PHTF1: variants seen among roughly 807,000 people sequenced by gnomAD.
PHTF1 encodes the protein protein PHTF1.
PHTF1 carries 88 observed loss-of-function variants against 102.4 expected under a neutral mutation model. The observed-to-expected ratio is 0.86, with a 90% CI of 0.72 to 1.03. PHTF1 has a LOEUF of 1.03. PHTF1 is among the 50% of genes least tolerant of loss of function. PHTF1 has a pLI of 0.00. For synonymous variants in PHTF1, 289 were observed against 305.2 expected, an observed-to-expected ratio of 0.95 and a Z score of 0.55; for missense variants, 814 against 909.5, an observed-to-expected ratio of 0.89 and a Z score of 1.35.
intron 3 of PHTF1, among the ~76,000 whole-genome samples, chr1:113,743,292 G>A (rs1185658704): frequency 6.6e-6 from 1 of 151,210 alleles, no homozygotes. Context: ...CACAGCCAAG[G>A]CCTACATAGG....
chr1:113,704,228 A>G, intron 14 of PHTF1, 61 bp from the exon 15 acceptor site: 1 of 913,980 alleles, frequency 1.1e-6, no homozygotes, highest in South Asian at 1.4e-5. Flanking sequence ...CCGCCCTCAC[A>G]TTATTAACAC....
At chr1:113,740,136 T>C (rs78394484) in intron 3 of PHTF1, among the ~76,000 whole-genome samples, 15,823 of 152,254 alleles carry the variant, frequency 0.1, 1,074 homozygotes, top group East Asian at 0.23. Flanking sequence ...TTCTAGTTTT[T>C]TGAGGAACCA....
intron 6 of PHTF1, 45 bp from the exon 7 acceptor site, chr1:113,724,938 T>G (rs1298862590): frequency 1.4e-6 from 2 of 1,423,688 alleles, no homozygotes; most frequent in Non-Finnish European, 1.9e-6. Flanking sequence ...CAAGACCCTT[T>G]CTATTTCTGC....
chr1:113,729,764 G>A (rs954961604), intron 5 of PHTF1, among the ~76,000 whole-genome samples: 1 of 152,134 alleles, frequency 6.6e-6, no homozygotes, highest in South Asian at 2.1e-4. Context: ...TTGGGTCTTT[G>A]AGCCATATTA....
chr1:113,735,980 C>G (rs942654784), intron 5 of PHTF1, among the ~76,000 whole-genome samples: 1 of 151,988 alleles, frequency 6.6e-6, no homozygotes, highest in Non-Finnish European at 1.5e-5. Context: ...CATCAGGTAG[C>G]GATGTGTAAC....
At chr1:113,736,696 GA>G (rs1328345797) in intron 5 of PHTF1, among the ~76,000 whole-genome samples, 15 of 152,286 alleles carry the variant, frequency 9.8e-5, no homozygotes, top group Middle Eastern at 3.4e-3. Context: ...AGTGAGCTGA[GA>G]TTGCACCACT....
At chr1:113,718,023 G>A (rs1272503383) in intron 7 of PHTF1, among the ~76,000 whole-genome samples, 1 of 152,032 alleles carries the variant, frequency 6.6e-6, no homozygotes, top group Non-Finnish European at 1.5e-5. Flanking sequence ...TAACCCAAAA[G>A]TCCAGCATCC....
At chr1:113,730,253 T>C (rs1654445263) in intron 5 of PHTF1, among the ~76,000 whole-genome samples, 1 of 152,132 alleles carries the variant, frequency 6.6e-6, no homozygotes, top group African/African-American at 2.4e-5. Context: ...AAAAAAGCAT[T>C]GTATTAAAAA....
At chr1:113,757,632 G>C (rs1288113545) in intron 3 of PHTF1, 67 bp downstream of exon 3, 5 of 990,644 alleles carry the variant, frequency 5.0e-6, no homozygotes, top group Non-Finnish European at 8.2e-6. Flanking sequence ...AGTTTACCAG[G>C]TAAGTACAAT....
At chr1:113,756,508 T>C (rs1019689216) in intron 3 of PHTF1, among the ~76,000 whole-genome samples, 1 of 152,228 alleles carries the variant, frequency 6.6e-6, no homozygotes, top group African/African-American at 2.4e-5. Flanking sequence ...ATCAGCACTT[T>C]GCAAGGAAGT....
At chr1:113,752,543 G>A (rs189347590) in intron 3 of PHTF1, among the ~76,000 whole-genome samples, 1 of 151,572 alleles carries the variant, frequency 6.6e-6, no homozygotes, top group Admixed American at 6.6e-5. Flanking sequence ...CTGCAACCAC[G>A]CCTGGCTAAT....
chr1:113,752,975 A>T (rs1658316690), intron 3 of PHTF1, among the ~76,000 whole-genome samples: 2 of 152,184 alleles, frequency 1.3e-5, no homozygotes, highest in South Asian at 4.1e-4. Context: ...TCCCCTAAGA[A>T]CCTAGTTTAT....
At chr1:113,745,948 A>G (rs1331873908) in intron 3 of PHTF1, among the ~76,000 whole-genome samples, 1 of 152,114 alleles carries the variant, frequency 6.6e-6, no homozygotes, top group Non-Finnish European at 1.5e-5. Flanking sequence ...ATCCCCCCAC[A>G]CCAGTCCATG....
rs769952377 is a variant in PHTF1, at chr1:113,712,111, C to G, written c.786G>C (p.Glu262Asp). ...KFSDGEKCRR[E>D]AFRRLGNGVS... Reference sequence around the variant, plus strand: ...CCCCATTACCCAAACGCCTAAAAGCCTCCTACAAAGAGAACAGCAATACCT... The same window carrying G: ...CCCCATTACCCAAACGCCTAAAAGCGTCCTACAAAGAGAACAGCAATACCT... Residue 262 changes from glutamate to aspartate, a missense_variant and splice_region_variant, in exon 9 of 19, where the codon GAG becomes GAC. Coordinates refer to ENST00000369604, the MANE Select transcript of PHTF1 (RefSeq NM_001323043.2). 1 of 1,613,608 alleles carries G rather than the reference C, an allele frequency of 6.2e-7. No individual in the cohort carries two copies. Among genetic ancestry groups the G allele is most frequent in the Non-Finnish European group, 8.5e-7 (1 of 1,179,696 alleles).
Position 113,711,815 on chromosome 1 carries a change from CCTTGTAGTGG to C in PHTF1, c.968_977del (p.Thr323SerfsTer30), listed in dbSNP as rs1251241456. On this transcript the variant is annotated frameshift_variant, in exon 10 of 19. Transcript: ENST00000369604. LOFTEE classifies it high-confidence loss of function. ...CTGAATCCCGCACAATATGACACCACCTTGTAGTGGTTTTCTTTACCTGCCAAAAATCAAA... is the reference window on the plus strand; with the variant it reads ...CTGAATCCCGCACAATATGACACCACTTTTCTTTACCTGCCAAAAATCAAA... 1.2e-6 allele frequency: 2 copies of C among 1,613,952 alleles called. No homozygotes were observed. Among genetic ancestry groups the C allele is most frequent in the South Asian group, 2.2e-5 (2 of 91,068 alleles).
At chr1:113,759,651 A>G (rs1659433554), upstream of PHTF1, among the ~76,000 whole-genome samples, 1 of 152,092 alleles carries the variant, frequency 6.6e-6, no homozygotes, top group Non-Finnish European at 1.5e-5. Context: ...CGGCATATCG[A>G]TGGCCAAGAG....
rs1227804046 is a variant in PHTF1 at position 113,706,691 on chromosome 1, G to A, written c.1301C>T (p.Pro434Leu). The A allele has an allele frequency of 2.5e-6, 4 of 1,607,534 alleles. No homozygotes were observed. The highest frequency in any genetic ancestry group is 3.4e-6 in the Non-Finnish European group (4 of 1,176,174). The change falls in exon 12 of 19, where the codon CCT becomes CTT. Residue 434 changes from proline to leucine, a missense_variant. Pro to Leu is a moderately conservative substitution (Grantham distance 98). Coordinates refer to ENST00000369604, the MANE Select transcript of PHTF1 (RefSeq NM_001323043.2). Reference protein sequence around the residue: ...NHLFWLQNSSPSSDRVSAIIW... With the variant: ...NHLFWLQNSSLSSDRVSAIIW... The stretch of plus-strand genomic sequence containing the variant: ...TATTGCACTAACTCGATCAGAGGAA[G>A]GACTTGAATTCTGAAGCCAGAATAA...
chr1:113,736,117 C>T (rs536572181), intron 5 of PHTF1, among the ~76,000 whole-genome samples: 109 of 150,580 alleles, frequency 7.2e-4, no homozygotes, highest in African/African-American at 2.4e-3. Flanking sequence ...CCGAGGCGGG[C>T]GGATAGCAAG....
At position 113,758,647 on chromosome 1, in the gene PHTF1, T is replaced by A. The variant is rs372321779; in HGVS notation, c.45+12A>T. 8.8e-6 allele frequency: 13 copies of A among 1,484,338 alleles called. No homozygotes were observed. Among genetic ancestry groups the A allele is most frequent in the Non-Finnish European group, 1.2e-5 (13 of 1,078,728 alleles). The allele number at this position is 1,484,338 out of a possible 1,614,324, so 91.9% of individuals were successfully genotyped here. A position where few individuals can be genotyped will look rare whatever the true frequency, so the allele number is the denominator to read the frequency against. ...ATGCTTTACAAATAAAAAAAATATA[T>A]ATATGTATTACCTTCTTTTGGTACC... On this transcript the variant is annotated intron_variant, in intron 2 of 18. Transcript: ENST00000369604.
Sources: allele counts gnomAD v4.1 joint callset (sites outside exome capture counted in the v4.1 genomes callset), GRCh38; gene constraint gnomAD v4.1.1; transcripts MANE v1.5; gene names NCBI Gene and HGNC (gene_info 2026-07-23, HGNC 2026-07-21).